The following SPACA4 variants were observed in gnomAD, a reference collection of about 807,000 sequenced individuals.
SPACA4 encodes the protein sperm acrosome associated 4.
For synonymous variants in SPACA4, 63 were observed against 77.5 expected (o/e 0.81, Z 0.98); for missense variants, 130 against 169.4 (o/e 0.77, Z 1.29).
Position 48,607,034 on chromosome 19 carries a change from G to T in SPACA4, c.56G>T (p.Gly19Val), listed in dbSNP as rs1181106327. The T allele has an allele frequency of 6.0e-5, 96 of 1,611,996 alleles. No individual in the cohort carries two copies. The highest frequency in any genetic ancestry group is 7.9e-5 in the Non-Finnish European group (93 of 1,180,000). The stretch of plus-strand genomic sequence containing the variant: ...ATGGCTCTGCCCCCAGGCACGACGG[G>T]CGTCAAGGACTGCGTCTTCTGTGAG... The part of the protein sequence containing the change: ...LVMALPPGTT[G>V]VKDCVFCELT... The change falls in exon 1 of 1, where the codon GGC (glycine) becomes GTC (valine). Residue 19 changes from glycine (G) to valine (V), a missense_variant. Physicochemically the swap from Gly to Val is moderately radical, Grantham distance 109. Coordinates refer to ENST00000321762, the MANE Select transcript of SPACA4 (RefSeq NM_133498.3).
Position 48,607,249 on chromosome 19 carries a change from T to TGCA in SPACA4, c.272_274dup (p.Cys91_Thr92insSer). On this transcript the variant is annotated inframe_insertion, in exon 1 of 1. Transcript: ENST00000321762. ...CACCTACAGCCTCACCACCAACTGC[T>TGCA]GCACCGGCCGCCTGTGTAACAGAGC... 6.2e-7 allele frequency: 1 copy of TGCA among 1,609,576 alleles called. No individual in the cohort carries two copies. The highest frequency in any genetic ancestry group is 8.5e-7 in the Non-Finnish European group (1 of 1,178,258).
Position 48,607,483 on chromosome 19 carries a change from A to C in SPACA4, c.*130A>C. On this transcript the variant is annotated 3_prime_UTR_variant, in exon 1 of 1. Transcript: ENST00000321762. ...TTGCGGCCCTGGCTTCATCCCTTCT[A>C]AGGCTGTCCACCAGGAGCCCGGTGC... 1.6e-6 allele frequency: 2 copies of C among 1,263,300 alleles called. No homozygotes were observed. Among genetic ancestry groups the C allele is most frequent in the Non-Finnish European group, 2.2e-6 (2 of 928,304 alleles). The allele number at this position is 1,263,300 out of a possible 1,614,324, so 78.3% of individuals were successfully genotyped here.
rs1470556244 is a variant in SPACA4, at chr19:48,606,895, C to T, written c.-84C>T. 13 of 1,509,986 alleles carry T rather than the reference C, an allele frequency of 8.6e-6. No individual in the cohort carries two copies. Among genetic ancestry groups the T allele is most frequent in the Non-Finnish European group, 1.1e-5 (13 of 1,132,298 alleles). The allele number at this position is 1,509,986 out of a possible 1,614,324, so 93.5% of individuals were successfully genotyped here. ...CAAAGTCCCGTGGGCAAGAGGAGTC[C>T]TCAGAGGTCCTTCATTCAGCGGTTC... On this transcript the variant is annotated 5_prime_UTR_variant, in exon 1 of 1. Transcript: ENST00000321762.
At position 48,607,216 on chromosome 19, in the gene SPACA4, A is replaced by G. The variant is rs1380637230; in HGVS notation, c.238A>G (p.Arg80Gly). ...SCGLEEPVSY[R>G]GVTYSLTTNC... ...CGGCCTTGAGGAACCCGTCAGCTACAGGGGCGTCACCTACAGCCTCACCAC... is the reference window on the plus strand; with the variant it reads ...CGGCCTTGAGGAACCCGTCAGCTACGGGGGCGTCACCTACAGCCTCACCAC... The change falls in exon 1 of 1, where the codon AGG (arginine) becomes GGG (glycine). Residue 80 changes from arginine to glycine, a missense_variant. Coordinates refer to ENST00000321762, the MANE Select transcript of SPACA4 (RefSeq NM_133498.3). The G allele has an allele frequency of 2.5e-6, 4 of 1,613,196 alleles. No homozygotes were observed. The highest frequency in any genetic ancestry group is 2.2e-5 in the East Asian group (1 of 44,882).
In SPACA4 at chr19:48,607,455, C is replaced by G; in HGVS notation, c.*102C>G. ...AATGGCCAGAGAGGCCCTGGACAAC[C>G]TCTTGCGGCCCTGGCTTCATCCCTT... On this transcript the variant is annotated 3_prime_UTR_variant, in exon 1 of 1. Transcript: ENST00000321762. 2 of 1,424,272 alleles carry G rather than the reference C, an allele frequency of 1.4e-6. No individual in the cohort carries two copies. The highest frequency in any genetic ancestry group is 2.5e-5 in the Admixed American group (1 of 40,766). 88.2% of individuals were successfully genotyped at this position (1,424,272 alleles called of 1,614,324 possible).
Position 48,607,520 on chromosome 19 carries a change from TC to T in SPACA4, c.*171del. ...CAGGAGCCCGGTGCTAGGGGAAGCA[TC>T]CCCAGGCCTGACTGAGCGGCAGGGG... On this transcript the variant is annotated 3_prime_UTR_variant, in exon 1 of 1. Coordinates refer to ENST00000321762, the MANE Select transcript of SPACA4 (RefSeq NM_133498.3). 3 of 925,920 alleles carry T rather than the reference TC, an allele frequency of 3.2e-6. No homozygotes were observed. The highest frequency in any genetic ancestry group is 3.6e-5 in the South Asian group (2 of 55,766). The allele number at this position is 925,920 out of a possible 1,614,324, so 57.4% of individuals were successfully genotyped here.
rs557927030 is a variant in SPACA4 at position 48,606,837 on chromosome 19, C to T, written c.-142C>T. 2 of 1,046,788 alleles carry T rather than the reference C, an allele frequency of 1.9e-6. No individual in the cohort carries two copies. The highest frequency in any genetic ancestry group is 2.6e-5 in the East Asian group (1 of 38,486). The allele number at this position is 1,046,788 out of a possible 1,614,324, so 64.8% of individuals were successfully genotyped here. Reference sequence around the variant, plus strand: ...AGGGCGTTGGGAACAGAGGACACTCCAGGCGCTGACCCTGGGAGGCCAGGA... The same window carrying T: ...AGGGCGTTGGGAACAGAGGACACTCTAGGCGCTGACCCTGGGAGGCCAGGA... On this transcript the variant is annotated 5_prime_UTR_variant, in exon 1 of 1. Coordinates refer to ENST00000321762, the MANE Select transcript of SPACA4 (RefSeq NM_133498.3).
chr19:48,607,224 C>T lies in SPACA4; in HGVS notation c.246C>T (p.Val82=). The part of the protein sequence containing the change: ...GLEEPVSYRG[V]TYSLTTNCCT... ...AGGAACCCGTCAGCTACAGGGGCGTCACCTACAGCCTCACCACCAACTGCT... is the reference window on the plus strand; with the variant it reads ...AGGAACCCGTCAGCTACAGGGGCGTTACCTACAGCCTCACCACCAACTGCT... Residue 82 remains valine, a synonymous_variant, in exon 1 of 1, where the codon GTC becomes GTT. Coordinates refer to ENST00000321762, the MANE Select transcript of SPACA4 (RefSeq NM_133498.3). The T allele has an allele frequency of 6.2e-7, 1 of 1,612,792 alleles. No individual in the cohort carries two copies. Among genetic ancestry groups the T allele is most frequent in the Non-Finnish European group, 8.5e-7 (1 of 1,179,670 alleles).
Position 48,607,613 on chromosome 19 carries a change from T to G in SPACA4, c.*260T>G. 2.0e-6 allele frequency: 1 copy of G among 506,230 alleles called. No homozygotes were observed. The highest frequency in any genetic ancestry group is 3.0e-5 in the East Asian group (1 of 33,536). 31.4% of individuals were successfully genotyped at this position (506,230 alleles called of 1,614,324 possible). A position where few individuals can be genotyped will look rare whatever the true frequency, so the allele number is the denominator to read the frequency against. On this transcript the variant is annotated 3_prime_UTR_variant, in exon 1 of 1. Transcript: ENST00000321762. Reference sequence around the variant, plus strand: ...GTTCTAAGACGCAGAGCTTCTCACATCTCAATCAGGATGCTTCTCTCCATT... The same window carrying G: ...GTTCTAAGACGCAGAGCTTCTCACAGCTCAATCAGGATGCTTCTCTCCATT...
Position 48,607,650 on chromosome 19 carries a change from A to G in SPACA4, c.*297A>G. 2.3e-6 allele frequency: 1 copy of G among 427,272 alleles called. No individual in the cohort carries two copies. The highest frequency in any genetic ancestry group is 4.3e-6 in the Non-Finnish European group (1 of 231,844). 26.5% of individuals were successfully genotyped at this position (427,272 alleles called of 1,614,324 possible). Reference sequence around the variant, plus strand: ...TGCTTCTCTCCATTGGTAGCACTTTAGAGTCCATGAAATATGGTAAAAAAT... The same window carrying G: ...TGCTTCTCTCCATTGGTAGCACTTTGGAGTCCATGAAATATGGTAAAAAAT... On this transcript the variant is annotated 3_prime_UTR_variant, in exon 1 of 1. Coordinates refer to ENST00000321762, the MANE Select transcript of SPACA4 (RefSeq NM_133498.3).
In SPACA4 at chr19:48,607,654, T is replaced by A. The variant is rs1973960055; in HGVS notation, c.*301T>A. 3 of 409,228 alleles carry A rather than the reference T, an allele frequency of 7.3e-6. No homozygotes were observed. Among genetic ancestry groups the A allele is most frequent in the Non-Finnish European group, 1.4e-5 (3 of 221,628 alleles). 25.3% of individuals were successfully genotyped at this position (409,228 alleles called of 1,614,324 possible). A position where few individuals can be genotyped will look rare whatever the true frequency, so the allele number is the denominator to read the frequency against. Reference sequence around the variant, plus strand: ...TCTCTCCATTGGTAGCACTTTAGAGTCCATGAAATATGGTAAAAAATATAT... The same window carrying A: ...TCTCTCCATTGGTAGCACTTTAGAGACCATGAAATATGGTAAAAAATATAT... On this transcript the variant is annotated 3_prime_UTR_variant, in exon 1 of 1. Coordinates refer to ENST00000321762, the MANE Select transcript of SPACA4 (RefSeq NM_133498.3).
In SPACA4 at chr19:48,606,986, T is replaced by C; in HGVS notation, c.8T>C (p.Leu3Pro). 1.9e-6 allele frequency: 3 copies of C among 1,606,790 alleles called. No homozygotes were observed. The highest frequency in any genetic ancestry group is 2.5e-6 in the Non-Finnish European group (3 of 1,179,768). MV[L>P]CWLLLLVMAL... ...CAACGCCGCCAGGCCGCCATGGTCC[T>C]GTGCTGGCTGCTGCTTCTGGTGATG... Residue 3 changes from leucine to proline, a missense_variant, in exon 1 of 1, where the codon CTG becomes CCG. By Grantham distance (98) the Leu-to-Pro change is moderately conservative. Transcript: ENST00000321762.
chr19:48,606,752 C>T lies in SPACA4; in HGVS notation c.-227C>T, dbSNP rs1011289808. The T allele has an allele frequency of 6.9e-6, 4 of 582,556 alleles. No individual in the cohort carries two copies. The highest frequency in any genetic ancestry group is 5.6e-5 in the African/African-American group (3 of 53,664). The allele number at this position is 582,556 out of a possible 1,614,324, so 36.1% of individuals were successfully genotyped here. A position where few individuals can be genotyped will look rare whatever the true frequency, so the allele number is the denominator to read the frequency against. ...TCTGTGAGATCACTCATTCCATTCA[C>T]AGACTCTTGTTGGGCAGCAGCCACC... is the stretch of plus-strand genomic sequence containing the variant. On this transcript the variant is annotated 5_prime_UTR_variant, in exon 1 of 1. Coordinates refer to ENST00000321762, the MANE Select transcript of SPACA4 (RefSeq NM_133498.3).
rs1301857393 is a variant in SPACA4 at position 48,607,284 on chromosome 19, CCAGA to C, written c.310_313del (p.Thr104TrpfsTer101). On this transcript the variant is annotated frameshift_variant, in exon 1 of 1. Coordinates refer to ENST00000321762, the MANE Select transcript of SPACA4 (RefSeq NM_133498.3). LOFTEE classifies it low-confidence loss of function (END_TRUNC). Reference sequence around the variant, plus strand: ...GCCTGTGTAACAGAGCCCCGAGCAGCCAGACAGTGGGGGCCACCACCAGCCTGGC... The same window carrying C: ...GCCTGTGTAACAGAGCCCCGAGCAGCCAGTGGGGGCCACCACCAGCCTGGC... 1.9e-6 allele frequency: 3 copies of C among 1,600,652 alleles called. No homozygotes were observed. The highest frequency in any genetic ancestry group is 1.1e-5 in the South Asian group (1 of 89,596).
At position 48,606,812 on chromosome 19, in the gene SPACA4, A is replaced by AGGGCGTTGGGAACAGAGGACACTCC; in HGVS notation, c.-166_-142dup. ...CCATCCCCAGGACTTAGAGGGACGC[A>AGGGCGTTGGGAACAGAGGACACTCC]GGGCGTTGGGAACAGAGGACACTCC... On this transcript the variant is annotated 5_prime_UTR_variant, in exon 1 of 1. Coordinates refer to ENST00000321762, the MANE Select transcript of SPACA4 (RefSeq NM_133498.3). The AGGGCGTTGGGAACAGAGGACACTCC allele has an allele frequency of 1.3e-6, 1 of 780,916 alleles. No homozygotes were observed. 48.4% of individuals were successfully genotyped at this position (780,916 alleles called of 1,614,324 possible).
Position 48,607,151 on chromosome 19 carries a change from G to T in SPACA4, c.173G>T (p.Gly58Val). ...GGCCACGGGGTCGCCCCGGGCACTG[G>T]TCCGGTCATCAACAAAGGCTGCCTG... ...FTGHGVAPGTGPVINKGCLRA... is the reference protein window; with the variant it reads ...FTGHGVAPGTVPVINKGCLRA... The change falls in exon 1 of 1, where the codon GGT becomes GTT. Residue 58 changes from glycine to valine, a missense_variant. Gly to Val is a moderately radical substitution (Grantham distance 109). Coordinates refer to ENST00000321762, the MANE Select transcript of SPACA4 (RefSeq NM_133498.3). The T allele has an allele frequency of 6.2e-7, 1 of 1,612,968 alleles. No individual in the cohort carries two copies.
Position 48,607,013 on chromosome 19 carries a change from C to T in SPACA4, c.35C>T (p.Ala12Val). 1 of 1,610,336 alleles carries T rather than the reference C, an allele frequency of 6.2e-7. No individual in the cohort carries two copies. Residue 12 changes from alanine to valine, a missense_variant, in exon 1 of 1, where the codon GCT (alanine) becomes GTT (valine). Ala to Val is a moderately conservative substitution (Grantham distance 64). Coordinates refer to ENST00000321762, the MANE Select transcript of SPACA4 (RefSeq NM_133498.3). ...TGCTGGCTGCTGCTTCTGGTGATGGCTCTGCCCCCAGGCACGACGGGCGTC... is the reference window on the plus strand; with the variant it reads ...TGCTGGCTGCTGCTTCTGGTGATGGTTCTGCCCCCAGGCACGACGGGCGTC... ...VLCWLLLLVM[A>V]LPPGTTGVKD...
chr19:48,606,855 G>A lies in SPACA4; in HGVS notation c.-124G>A, dbSNP rs985484747. ...GACACTCCAGGCGCTGACCCTGGGAGGCCAGGACCAGGGCCAAAGTCCCGT... is the reference window on the plus strand; with the variant it reads ...GACACTCCAGGCGCTGACCCTGGGAAGCCAGGACCAGGGCCAAAGTCCCGT... On this transcript the variant is annotated 5_prime_UTR_variant, in exon 1 of 1. Coordinates refer to ENST00000321762, the MANE Select transcript of SPACA4 (RefSeq NM_133498.3). The A allele has an allele frequency of 2.4e-6, 3 of 1,244,978 alleles. No individual in the cohort carries two copies. The highest frequency in any genetic ancestry group is 3.3e-6 in the Non-Finnish European group (3 of 917,768). The allele number at this position is 1,244,978 out of a possible 1,614,324, so 77.1% of individuals were successfully genotyped here.
rs182222343 is a variant in SPACA4 at position 48,606,778 on chromosome 19, C to T, written c.-201C>T. Reference sequence around the variant, plus strand: ...AGACTCTTGTTGGGCAGCAGCCACCCGCTCACCTCCATCCCCAGGACTTAG... The same window carrying T: ...AGACTCTTGTTGGGCAGCAGCCACCTGCTCACCTCCATCCCCAGGACTTAG... On this transcript the variant is annotated 5_prime_UTR_variant, in exon 1 of 1. Transcript: ENST00000321762. The T allele has an allele frequency of 1.8e-4, 113 of 623,194 alleles. No homozygotes were observed. Among genetic ancestry groups the T allele is most frequent in the African/African-American group, 2.8e-4 (15 of 54,414 alleles). 38.6% of individuals were successfully genotyped at this position (623,194 alleles called of 1,614,324 possible). A position where few individuals can be genotyped will look rare whatever the true frequency, so the allele number is the denominator to read the frequency against.
Sources: gnomAD v4.1 joint callset for allele counts on GRCh38, gnomAD v4.1.1 for gene constraint, MANE v1.5 for transcripts, NCBI Gene and HGNC (gene_info 2026-07-23, HGNC 2026-07-21) for gene names.